The following CNKSR2 variants were observed in gnomAD, a reference collection of about 807,000 sequenced individuals.
The protein encoded by CNKSR2 is connector enhancer of kinase suppressor of Ras 2, also known as CNK homolog protein 2.
In CNKSR2, 14 loss-of-function variants were observed where a neutral mutation model predicts 84.4. The ratio of observed to expected loss-of-function variants is 0.17; its 90% confidence interval spans 0.11 to 0.26. CNKSR2 has a LOEUF of 0.26. CNKSR2 is among the 10% of genes least tolerant of loss of function. The pLI, the probability that CNKSR2 is intolerant of heterozygous loss-of-function variation, is 1.00. For missense variants in CNKSR2, 485 were observed against 771.2 expected, an observed-to-expected ratio of 0.63 and a Z score of 4.40; for synonymous variants, 275 against 277.9, an observed-to-expected ratio of 0.99 and a Z score of 0.10.
At chrX:21,647,549 G>A (rs181829637) in intron 20 of CNKSR2, among the ~76,000 whole-genome samples, 1 of 111,874 alleles carries the variant, frequency 8.9e-6, no homozygotes, top group African/African-American at 3.2e-5. Flanking sequence ...CGTGGATTCT[G>A]GGGTCAGACT....
In CNKSR2 at chrX:21,563,413, C is replaced by A; in HGVS notation, c.1569C>A (p.Asp523Glu). Residue 523 changes from aspartate to glutamate, a missense_variant, in exon 13 of 22, where the codon GAC becomes GAA. Physicochemically the swap from Asp to Glu is conservative, Grantham distance 45. Around this residue, in one of 5 missense-constraint regions of CNKSR2, gnomAD observed 132 missense variants for 166.7 expected, o/e 0.79. Coordinates refer to ENST00000379510, the MANE Select transcript of CNKSR2 (RefSeq NM_014927.5). The part of the protein sequence containing the change: ...PSLQMDALRQ[D>E]IMGTPVPETT... ...TACAAATGGATGCACTGAGACAAGACATCATGGGCACTCCTGTGCCAGAGA... is the reference window on the plus strand; with the variant it reads ...TACAAATGGATGCACTGAGACAAGAAATCATGGGCACTCCTGTGCCAGAGA... 1 of 1,209,886 alleles carries A rather than the reference C, an allele frequency of 8.3e-7. No individual in the cohort carries two copies. Among genetic ancestry groups the A allele is most frequent in the Non-Finnish European group, 1.1e-6 (1 of 894,070 alleles).
chrX:21,465,407 A>G (rs1203218062), intron 4 of CNKSR2, among the ~76,000 whole-genome samples: 3 of 111,493 alleles, frequency 2.7e-5, no homozygotes, highest in African/African-American at 9.8e-5. Context: ...GGAGGAGAAA[A>G]AAAAGGAAAG....
chrX:21,453,600 T>A (rs775035815), intron 4 of CNKSR2, among the ~76,000 whole-genome samples: 2 of 112,261 alleles, frequency 1.8e-5, no homozygotes, highest in South Asian at 7.4e-4. Context: ...TTGCTCTGTA[T>A]GCCTCAGCCA....
intron 1 of CNKSR2, among the ~76,000 whole-genome samples, chrX:21,392,676 A>C (rs1195977875): frequency 1.8e-5 from 2 of 111,565 alleles, no homozygotes; most frequent in Non-Finnish European, 3.8e-5. Flanking sequence ...ACAGAAATCC[A>C]AACCATACCA....
At chrX:21,388,063 C>A (rs1401788748) in intron 1 of CNKSR2, among the ~76,000 whole-genome samples, 1 of 110,340 alleles carries the variant, frequency 9.1e-6, no homozygotes, top group Non-Finnish European at 1.9e-5. Context: ...TCACGCCCGG[C>A]TAATTTTTTG....
intron 1 of CNKSR2, among the ~76,000 whole-genome samples, chrX:21,409,228 TTATA>T (rs57301315): frequency 0.017 from 651 of 38,285 alleles, 2 homozygotes; most frequent in Middle Eastern, 0.05. Context: ...AATGAAAAAA[TTATA>T]TATATATATA....
chrX:21,617,112 A>AT (rs952480330), intron 20 of CNKSR2, among the ~76,000 whole-genome samples: 86 of 109,481 alleles, frequency 7.9e-4, no homozygotes, highest in Non-Finnish European at 1.0e-3. Context: ...ATGTTATGTT[A>AT]TTTTTTTTTA....
chrX:21,646,220 G>A (rs760482803), intron 20 of CNKSR2, among the ~76,000 whole-genome samples: 1 of 111,236 alleles, frequency 9.0e-6, no homozygotes, highest in Non-Finnish European at 1.9e-5. Flanking sequence ...TCTGTGTTCC[G>A]TCTCATTGTG....
chrX:21,566,511 A>G (rs1354891166), intron 13 of CNKSR2, among the ~76,000 whole-genome samples: 4 of 111,722 alleles, frequency 3.6e-5, no homozygotes, highest in Non-Finnish European at 5.6e-5. Context: ...ATTTTTGCCA[A>G]TTACTCCTTT....
At chrX:21,613,657 T>A (rs1212883179) in intron 20 of CNKSR2, among the ~76,000 whole-genome samples, 2 of 112,754 alleles carry the variant, frequency 1.8e-5, no homozygotes, top group African/African-American at 6.4e-5. Context: ...TTTAAAAATC[T>A]AGACTGAGTT....
intron 11 of CNKSR2, among the ~76,000 whole-genome samples, chrX:21,554,014 C>T (rs866925383): frequency 3.6e-5 from 4 of 111,302 alleles, no homozygotes; most frequent in Non-Finnish European, 7.6e-5. Flanking sequence ...CTCATTCCTC[C>T]CACACCCCTC....
chrX:21,585,850 G>A (rs994160954), intron 13 of CNKSR2, among the ~76,000 whole-genome samples: 11 of 111,556 alleles, frequency 9.9e-5, no homozygotes, highest in Non-Finnish European at 1.9e-4. Context: ...AATAAATGAT[G>A]TTTTTGGAAA....
chrX:21,602,757 A>T (rs1160243207), intron 18 of CNKSR2, among the ~76,000 whole-genome samples: 4 of 111,857 alleles, frequency 3.6e-5, no homozygotes, highest in Non-Finnish European at 7.5e-5. Context: ...AATTTATGGT[A>T]AGAGTACTGA....
intron 18 of CNKSR2, among the ~76,000 whole-genome samples, chrX:21,606,122 A>G (rs1310362342): frequency 3.6e-5 from 4 of 111,455 alleles, no homozygotes; most frequent in Non-Finnish European, 7.5e-5. Flanking sequence ...TACATTTGCT[A>G]CCCTTTTAAG....
chrX:21,543,673 T>G (rs1409212726), intron 11 of CNKSR2, among the ~76,000 whole-genome samples: 2 of 112,244 alleles, frequency 1.8e-5, no homozygotes, highest in African/African-American at 6.5e-5. Flanking sequence ...AATAGCTAAT[T>G]GACCTTGAGC....
At chrX:21,635,256 T>C (rs1185844062) in intron 20 of CNKSR2, among the ~76,000 whole-genome samples, 1 of 109,089 alleles carries the variant, frequency 9.2e-6, no homozygotes, top group Admixed American at 1.0e-4. Context: ...CTGCTTACTC[T>C]TTCTGAGCTT....
chrX:21,388,322 A>G, intron 1 of CNKSR2, among the ~76,000 whole-genome samples: 1 of 112,595 alleles, frequency 8.9e-6, no homozygotes, highest in East Asian at 2.8e-4. Flanking sequence ...TGAAGTAAAA[A>G]CAAATATTAG....
intron 11 of CNKSR2, among the ~76,000 whole-genome samples, chrX:21,547,669 A>G (rs1179017860): frequency 8.9e-6 from 1 of 112,080 alleles, no homozygotes; most frequent in Non-Finnish European, 1.9e-5. Flanking sequence ...AACTGACCAC[A>G]TAATTGGAAG....
intron 13 of CNKSR2, among the ~76,000 whole-genome samples, chrX:21,580,056 G>A (rs996402333): frequency 3.6e-5 from 4 of 111,853 alleles, no homozygotes; most frequent in East Asian, 2.8e-4. Flanking sequence ...TGCTGCAAGC[G>A]CAGAAGTTAA....
Sources: gnomAD v4.1 joint callset for allele counts (sites outside exome capture counted in the v4.1 genomes callset) on GRCh38, gnomAD v4.1.1 for gene constraint, gnomAD v4.1.1 regional missense constraint, MANE v1.5 for transcripts, NCBI Gene and HGNC (gene_info 2026-07-23, HGNC 2026-07-21) for gene names.